RC3H1: variants seen among roughly 807,000 people sequenced by gnomAD.
The protein encoded by RC3H1 is ring finger and CCCH-type domains 1, also known as roquin-1.
RC3H1 carries 50 observed loss-of-function variants against 138.2 expected under a neutral mutation model. The observed-to-expected ratio is 0.36, with a 90% CI of 0.29 to 0.46. RC3H1 has a LOEUF of 0.46. Among genes scored for constraint, RC3H1 ranks in the 20% least tolerant of loss-of-function variants. The probability of loss-of-function intolerance (pLI) is 1.00; values close to 1 mark genes in which losing one functional copy is unlikely to be tolerated. For missense variants in RC3H1, 1,031 were observed against 1,388.1 expected (o/e 0.74, Z 4.09); for synonymous variants, 462 against 489.1 (o/e 0.94, Z 0.73).
intron 1 of RC3H1, among the ~76,000 whole-genome samples, chr1:174,010,534 T>A (rs1044427230): frequency 1.3e-5 from 2 of 151,992 alleles, no homozygotes; most frequent in Non-Finnish European, 2.9e-5. Context: ...CCCACCTCAG[T>A]CTCCCCAGTA....
intron 18 of RC3H1, 53 bp downstream of exon 18, chr1:173,943,389 C>G: frequency 6.5e-7 from 1 of 1,536,428 alleles, no homozygotes; most frequent in Non-Finnish European, 8.9e-7. Flanking sequence ...ATTCTAGAGC[C>G]ACATGAAAGA....
intron 1 of RC3H1, among the ~76,000 whole-genome samples, chr1:174,008,968 CTT>C (rs1424409980): frequency 1.8e-5 from 2 of 111,520 alleles, no homozygotes; most frequent in Non-Finnish European, 3.4e-5. Context: ...CAGAGTGAGA[CTT>C]TGTCTGAAAA....
At chr1:173,997,211 C>A (rs141393102) in intron 1 of RC3H1, among the ~76,000 whole-genome samples, 2 of 151,944 alleles carry the variant, frequency 1.3e-5, no homozygotes, top group Non-Finnish European at 1.5e-5. Flanking sequence ...GGCAACGGAG[C>A]GAGACCTGTC....
At chr1:173,947,851 T>C (rs547276340) in intron 14 of RC3H1, among the ~76,000 whole-genome samples, 1 of 152,086 alleles carries the variant, frequency 6.6e-6, no homozygotes. Context: ...CCAGTGATCC[T>C]CCCACCTCAG....
intron 14 of RC3H1, 121 bp downstream of exon 14, chr1:173,951,865 T>A: frequency 1.2e-6 from 1 of 825,926 alleles, no homozygotes; most frequent in African/African-American, 1.7e-5. Context: ...AACTGCAGAG[T>A]ATAGAATATG....
At chr1:173,959,972 G>T (rs997070330) in intron 13 of RC3H1, among the ~76,000 whole-genome samples, 9 of 151,772 alleles carry the variant, frequency 5.9e-5, no homozygotes, top group Non-Finnish European at 1.3e-4. Flanking sequence ...GTCGGGCGTG[G>T]TGGTGCGTGC....
intron 9 of RC3H1, among the ~76,000 whole-genome samples, chr1:173,967,450 T>C (rs1660170558): frequency 6.6e-6 from 1 of 152,248 alleles, no homozygotes; most frequent in Non-Finnish European, 1.5e-5. Context: ...TCTAAAACTA[T>C]TTTAAGTCCT....
chr1:173,982,853 A>G lies in RC3H1; in HGVS notation c.642T>C (p.Gly214=). 1 of 1,613,716 alleles carries G rather than the reference A, an allele frequency of 6.2e-7. No homozygotes were observed. Among genetic ancestry groups the G allele is most frequent in the Non-Finnish European group, 8.5e-7 (1 of 1,179,812 alleles). ...CCAATACTTTTCTTGACAAAGCAGA[A>G]CCATCTTCTAAGGCCAGCAGAACCA... ...LKLVLLALED[G]SALSRKVLVL... The change falls in exon 5 of 20, where the codon GGT becomes GGC. Residue 214 remains glycine, a synonymous_variant. Coordinates refer to ENST00000367696, the MANE Select transcript of RC3H1 (RefSeq NM_172071.4).
chr1:173,960,756 C>T (rs953105392), intron 13 of RC3H1, among the ~76,000 whole-genome samples: 8 of 151,972 alleles, frequency 5.3e-5, no homozygotes, highest in African/African-American at 9.7e-5. Flanking sequence ...AATAGACTGA[C>T]GGAAAAGAAT....
intron 1 of RC3H1, among the ~76,000 whole-genome samples, chr1:174,019,068 T>C (rs1024209616): frequency 2.6e-5 from 4 of 152,208 alleles, no homozygotes; most frequent in African/African-American, 9.6e-5. Context: ...ATTTATAAAG[T>C]ATTTCAAAGG....
rs1660308253 is a variant in RC3H1 at position 173,970,442 on chromosome 1, C to T, written c.1334+63G>A. On this transcript the variant is annotated intron_variant, in intron 9 of 19. Coordinates refer to ENST00000367696, the MANE Select transcript of RC3H1 (RefSeq NM_172071.4). ...TAAAGCAGCTACTCTTTCTGTATTTCTGTATGTCAGCGAATTATTCCACTT... is the reference window on the plus strand; with the variant it reads ...TAAAGCAGCTACTCTTTCTGTATTTTTGTATGTCAGCGAATTATTCCACTT... The T allele has an allele frequency of 3.9e-6, 4 of 1,024,506 alleles. No individual in the cohort carries two copies. In the Admixed American group the frequency reaches 7.0e-5, roughly 18 times the overall value. 63.5% of individuals were successfully genotyped at this position (1,024,506 alleles called of 1,614,324 possible).
chr1:173,992,664 C>T lies in RC3H1; in HGVS notation c.231+91G>A, dbSNP rs987886033. 97 of 967,414 alleles carry T rather than the reference C, an allele frequency of 1.0e-4. 1 individual carries two copies. Among genetic ancestry groups the T allele is most frequent in the South Asian group, 7.6e-4 (47 of 61,732 alleles). The allele number at this position is 967,414 out of a possible 1,614,324, so 59.9% of individuals were successfully genotyped here. The stretch of plus-strand genomic sequence containing the variant: ...ACAGGTTTCTCTCAGGAGAAAAACA[C>T]GCACAACACACACACACACACACAC... On this transcript the variant is annotated intron_variant, in intron 2 of 19. Coordinates refer to ENST00000367696, the MANE Select transcript of RC3H1 (RefSeq NM_172071.4).
At position 173,961,071 on chromosome 1, in the gene RC3H1, G is replaced by A. The variant is rs768504834; in HGVS notation, c.2370+6C>T. 3.7e-6 allele frequency: 6 copies of A among 1,611,822 alleles called. 1 individual carries two copies. The South Asian group carries it at 6.6e-5, about 18-fold the overall frequency. Reference sequence around the variant, plus strand: ...GGATAAATGAGACTAAAAATGATTTGCTTACTTCTTCCGGATGAAAGGTAG... The same window carrying A: ...GGATAAATGAGACTAAAAATGATTTACTTACTTCTTCCGGATGAAAGGTAG... On this transcript the variant is annotated splice_donor_region_variant and intron_variant, in intron 13 of 19. Coordinates refer to ENST00000367696, the MANE Select transcript of RC3H1 (RefSeq NM_172071.4).
At chr1:173,996,214 G>A (rs958452269) in intron 1 of RC3H1, among the ~76,000 whole-genome samples, 4 of 151,808 alleles carry the variant, frequency 2.6e-5, no homozygotes, top group African/African-American at 2.4e-5. Flanking sequence ...AAATCACGCC[G>A]TTGCACTCTA....
intron 1 of RC3H1, among the ~76,000 whole-genome samples, chr1:174,001,638 C>T (rs7549291): frequency 0.29 from 43,913 of 151,924 alleles, 11,350 homozygotes; most frequent in African/African-American, 0.7. Context: ...GGTTTCACCA[C>T]GTAGGCCAGG....
At chr1:173,983,361 C>T in intron 4 of RC3H1, 57 bp downstream of exon 4, 1 of 1,589,780 alleles carries the variant, frequency 6.3e-7, no homozygotes, top group Non-Finnish European at 8.6e-7. Context: ...ACTTATAATT[C>T]CTACATCATA....
Position 173,978,563 on chromosome 1 carries a change from G to A in RC3H1, c.1027C>T (p.Arg343Ter). Reference sequence around the variant, plus strand: ...TTCAAGTTTGCTGGGTCTCCAGTTCGCTGGAGAGCAATTGTTAGTTCCTGA... The same window carrying A: ...TTCAAGTTTGCTGGGTCTCCAGTTCACTGGAGAGCAATTGTTAGTTCCTGA... ...SVQELTIALQ[R>*]TGDPANLNRL... Residue 343 changes from arginine to a stop codon, truncating the protein, a stop_gained, in exon 7 of 20, where the codon CGA becomes TGA. Transcript: ENST00000367696. LOFTEE classifies it high-confidence loss of function. 2 of 1,613,386 alleles carry A rather than the reference G, an allele frequency of 1.2e-6. No homozygotes were observed. The highest frequency in any genetic ancestry group is 1.7e-6 in the Non-Finnish European group (2 of 1,179,412).
intron 1 of RC3H1, among the ~76,000 whole-genome samples, chr1:174,014,950 T>C (rs1182163653): frequency 2.0e-5 from 3 of 152,188 alleles, no homozygotes; most frequent in East Asian, 1.9e-4. Context: ...CAATACTTTA[T>C]ATATAGCACA....
intron 1 of RC3H1, among the ~76,000 whole-genome samples, chr1:173,997,206 C>T (rs1021364108): frequency 3.3e-5 from 5 of 152,020 alleles, no homozygotes; most frequent in East Asian, 1.9e-4. Context: ...GCCTGGGCAA[C>T]GGAGCGAGAC....
Sources: allele counts gnomAD v4.1 joint callset (sites outside exome capture counted in the v4.1 genomes callset), GRCh38; gene constraint gnomAD v4.1.1; transcripts MANE v1.5; gene names NCBI Gene and HGNC (gene_info 2026-07-23, HGNC 2026-07-21).